The following USP32 variants were observed in gnomAD, a reference collection of about 807,000 sequenced individuals.
The protein encoded by USP32 is ubiquitin specific peptidase 32.
Under a neutral mutation model 204.8 loss-of-function variants are expected in USP32, and 59 were observed. That is an observed-to-expected ratio of 0.29 (90% CI 0.23 to 0.36). The LOEUF (loss-of-function observed/expected upper bound fraction) is 0.36. Ranked by LOEUF, USP32 falls within the 10% of genes least tolerant of loss-of-function variation. The pLI is 1.00. For synonymous variants in USP32, 517 were observed against 678.4 expected (o/e 0.76, Z 3.70); for missense variants, 1,160 against 1,946.4 (o/e 0.60, Z 7.60).
At chr17:60,228,145 C>T (rs1346131820) in intron 12 of USP32, among the ~76,000 whole-genome samples, 1 of 152,152 alleles carries the variant, frequency 6.6e-6, no homozygotes, top group Non-Finnish European at 1.5e-5. Context: ...CTGCCTCAGC[C>T]TCCTGAGTAG....
intron 11 of USP32, among the ~76,000 whole-genome samples, chr17:60,236,762 A>G (rs1402081832): frequency 6.6e-6 from 1 of 152,200 alleles, no homozygotes; most frequent in East Asian, 1.9e-4. Context: ...TACCACCCTC[A>G]GCAACAGGAA....
intron 12 of USP32, among the ~76,000 whole-genome samples, chr17:60,228,798 A>G (rs1057372035): frequency 2.6e-5 from 4 of 151,326 alleles, no homozygotes; most frequent in Admixed American, 2.6e-4. Context: ...CACTCCAGCC[A>G]GAGCAACAGA....
Position 60,337,961 on chromosome 17 carries a change from G to A in USP32, c.186+7520C>T, listed in dbSNP as rs374140453. ...ATTATCTAATAAAATGTTGTGCTAT[G>A]TACTACAGATTCAGGCTTTAATGCT... On this transcript the variant is annotated intron_variant, in intron 2 of 33. Coordinates refer to ENST00000300896, the MANE Select transcript of USP32 (RefSeq NM_032582.4). Among the ~76,000 whole-genome samples, 10 of 152,294 alleles carry A rather than the reference G, an allele frequency of 6.6e-5. No individual in the cohort carries two copies. The East Asian group carries it at 1.2e-3, about 18-fold the overall frequency.
At chr17:60,244,211 G>A (rs2085956178) in intron 11 of USP32, among the ~76,000 whole-genome samples, 1 of 151,166 alleles carries the variant, frequency 6.6e-6, no homozygotes. Context: ...AATTTTTTTA[G>A]TAGAGACCGT....
intron 26 of USP32, among the ~76,000 whole-genome samples, chr17:60,203,379 C>T (rs1387838386): frequency 1.3e-4 from 15 of 112,248 alleles, no homozygotes; most frequent in South Asian, 9.2e-4. Context: ...CCAGCCTGGG[C>T]GACAGAGCGA....
chr17:60,278,554 A>G (rs2086892510), intron 5 of USP32, among the ~76,000 whole-genome samples: 1 of 152,212 alleles, frequency 6.6e-6, no homozygotes, highest in Non-Finnish European at 1.5e-5. Context: ...GACAGATAGT[A>G]ATAGGACAGA....
At chr17:60,382,249 C>T (rs899589568) in intron 1 of USP32, among the ~76,000 whole-genome samples, 1 of 152,242 alleles carries the variant, frequency 6.6e-6, no homozygotes, top group Admixed American at 6.5e-5. Flanking sequence ...CACAGTGGCT[C>T]ATGCCTATGA....
chr17:60,339,170 C>G (rs1325068907), intron 2 of USP32, among the ~76,000 whole-genome samples: 1 of 152,040 alleles, frequency 6.6e-6, no homozygotes, highest in Non-Finnish European at 1.5e-5. Flanking sequence ...CTCAGCCTCC[C>G]AAAGTGCTGG....
chr17:60,231,455 G>C (rs908445117), intron 12 of USP32: 5 of 442,134 alleles, frequency 1.1e-5, no homozygotes, highest in Non-Finnish European at 2.3e-5. Flanking sequence ...GACCTCAGAG[G>C]CTTCATTTGT....
At chr17:60,225,051 T>C (rs1207510651) in intron 13 of USP32, among the ~76,000 whole-genome samples, 1 of 152,234 alleles carries the variant, frequency 6.6e-6, no homozygotes, top group African/African-American at 2.4e-5. Flanking sequence ...TTTAATTTAA[T>C]TATGTTTATG....
At chr17:60,223,198 A>AAT (rs1485541444) in intron 14 of USP32, among the ~76,000 whole-genome samples, 3 of 152,216 alleles carry the variant, frequency 2.0e-5, no homozygotes, top group East Asian at 3.8e-4. Context: ...CCTAAGTAAG[A>AAT]ATAACAATAA....
chr17:60,367,160 T>C (rs1333660073), intron 1 of USP32, among the ~76,000 whole-genome samples: 2 of 152,102 alleles, frequency 1.3e-5, no homozygotes, highest in Non-Finnish European at 2.9e-5. Flanking sequence ...TCACCTACAG[T>C]TGCTCCTTCA....
At chr17:60,269,420 CA>C (rs752572597) in intron 7 of USP32, 29 bp downstream of exon 7, 28 of 1,563,286 alleles carry the variant, frequency 1.8e-5, no homozygotes, top group Middle Eastern at 1.7e-4. Flanking sequence ...ACATAGTTTG[CA>C]ATTTTTTGAC....
In USP32 at chr17:60,183,182, A is replaced by T. The variant is rs1217898538; in HGVS notation, c.4106T>A (p.Ile1369Asn). The change falls in exon 31 of 34, where the codon ATC becomes AAC. Residue 1369 changes from isoleucine to asparagine, a missense_variant. By Grantham distance (149) the Ile-to-Asn change is moderately radical. Coordinates refer to ENST00000300896, the MANE Select transcript of USP32 (RefSeq NM_032582.4). ...SKSPSSLSAN[I>N]ISSPKGSPSS... ...GGCCTCACCTTTCGGGCTGCTGATG[A>T]TGTTAGCGCTGAGTGAGGATGGGCT... The T allele has an allele frequency of 1.2e-6, 2 of 1,611,406 alleles. No individual in the cohort carries two copies. Among genetic ancestry groups the T allele is most frequent in the South Asian group, 2.2e-5 (2 of 90,828 alleles).
chr17:60,207,282 T>C, intron 24 of USP32, 150 bp from the exon 25 acceptor site: 2 of 1,324,014 alleles, frequency 1.5e-6, no homozygotes, highest in South Asian at 3.2e-5. Context: ...ACATAAAGGA[T>C]GAATGCTTGA....
intron 2 of USP32, chr17:60,315,978 G>C (rs35499670): frequency 4.7e-3 from 799 of 169,840 alleles, no homozygotes; most frequent in South Asian, 0.011. Flanking sequence ...GGTACTCTGT[G>C]ACACTGAACC....
chr17:60,416,484 C>A (rs1284000838), intron 1 of USP32, among the ~76,000 whole-genome samples: 1 of 152,014 alleles, frequency 6.6e-6, no homozygotes, highest in African/African-American at 2.4e-5. Context: ...AAGTATATGG[C>A]ACATATTTGG....
chr17:60,196,741 C>T (rs917162030), intron 27 of USP32, among the ~76,000 whole-genome samples: 4 of 151,878 alleles, frequency 2.6e-5, no homozygotes, highest in East Asian at 3.9e-4. Context: ...AGGAGAATCG[C>T]TTGAACCCAG....
chr17:60,185,354 T>C, intron 30 of USP32, 106 bp downstream of exon 30: 1 of 1,341,048 alleles, frequency 7.5e-7, no homozygotes, highest in Middle Eastern at 2.8e-4. Flanking sequence ...TAAACACTGC[T>C]GCAGGAAAGG....
Sources: gnomAD v4.1 joint callset for allele counts (sites outside exome capture counted in the v4.1 genomes callset) on GRCh38, gnomAD v4.1.1 for gene constraint, MANE v1.5 for transcripts, NCBI Gene and HGNC (gene_info 2026-07-23, HGNC 2026-07-21) for gene names.